The following CAGE1 variants were observed in gnomAD, a reference collection of about 807,000 sequenced individuals.
CAGE1 encodes the protein cancer antigen 1.
A neutral mutation model predicts 94.9 loss-of-function variants in CAGE1; 66 were observed. The ratio of observed to expected loss-of-function variants is 0.70; its 90% CI spans 0.57 to 0.85. The LOEUF is 0.85. Among genes scored for constraint, CAGE1 ranks in the 40% least tolerant of loss-of-function variants. The pLI is 0.00. For missense variants in CAGE1, 865 were observed against 950.4 expected, an observed-to-expected ratio of 0.91 and a Z score of 1.18; for synonymous variants, 319 against 321.0, an observed-to-expected ratio of 0.99 and a Z score of 0.07.
chr6:7,388,029 T>A (rs1474400471), intron 1 of CAGE1, among the ~76,000 whole-genome samples: 2 of 53,542 alleles, frequency 3.7e-5, no homozygotes, highest in African/African-American at 6.2e-5. Flanking sequence ...CAAGACTCCA[T>A]CTCAAAAAAA....
intron 11 of CAGE1, chr6:7,341,198 G>A (rs995175911): frequency 3.4e-5 from 22 of 641,694 alleles, no homozygotes; most frequent in South Asian, 2.2e-4. Context: ...TGGAGCAGTT[G>A]ACACAGCTTG....
Position 7,389,269 on chromosome 6 carries a change from A to G in CAGE1, c.-91T>C. The G allele has an allele frequency of 2.2e-6, 1 of 456,324 alleles. No homozygotes were observed. The highest frequency in any genetic ancestry group is 4.4e-6 in the Non-Finnish European group (1 of 226,968). The allele number at this position is 456,324 out of a possible 1,614,324, so 28.3% of individuals were successfully genotyped here. A position where few individuals can be genotyped will look rare whatever the true frequency, so the allele number is the denominator to read the frequency against. On this transcript the variant is annotated 5_prime_UTR_variant, in exon 1 of 14. Coordinates refer to ENST00000502583, the MANE Select transcript of CAGE1 (RefSeq NM_001170692.2). ...CGAGACACCAAACTTTTTAAGACAC[A>G]AAAGTGTGCTCACTTCCAGGATCCA...
intron 13 of CAGE1, chr6:7,329,287 A>C (rs1758657409): frequency 5.2e-6 from 2 of 382,122 alleles, no homozygotes; most frequent in East Asian, 7.4e-5. Context: ...AAGAAAAAAA[A>C]ATCGCTTGCT....
intron 11 of CAGE1, among the ~76,000 whole-genome samples, chr6:7,351,457 C>A (rs1279130960): frequency 6.6e-6 from 1 of 150,942 alleles, no homozygotes; most frequent in African/African-American, 2.4e-5. Flanking sequence ...ATGAAGCCAG[C>A]ATCACCCTAA....
At position 7,355,040 on chromosome 6, in the gene CAGE1, C is replaced by T. The variant is rs1338270469; in HGVS notation, c.2369+1G>A. ...ATTAAGGATTCGTTTTTTCAACTTA[C>T]TGTGCAATCTGGGAGTGGGATATTG... is the stretch of plus-strand genomic sequence containing the variant. On this transcript the variant is annotated splice_donor_variant, in intron 11 of 13. Coordinates refer to ENST00000502583, the MANE Select transcript of CAGE1 (RefSeq NM_001170692.2). LOFTEE classifies it high-confidence loss of function. 6.3e-7 allele frequency: 1 copy of T among 1,598,388 alleles called. No homozygotes were observed. Among genetic ancestry groups the T allele is most frequent in the Non-Finnish European group, 8.6e-7 (1 of 1,169,066 alleles).
At chr6:7,338,490 G>A (rs759742132) in intron 11 of CAGE1, among the ~76,000 whole-genome samples, 9 of 152,050 alleles carry the variant, frequency 5.9e-5, no homozygotes, top group Non-Finnish European at 8.8e-5. Context: ...TCTGTCTATC[G>A]AAATTATCAT....
chr6:7,345,217 A>T (rs533633785), intron 11 of CAGE1, among the ~76,000 whole-genome samples: 1 of 150,410 alleles, frequency 6.6e-6, no homozygotes, highest in Non-Finnish European at 1.5e-5. Context: ...TGAAGTTAGT[A>T]TAAGCTACCA....
intron 11 of CAGE1, among the ~76,000 whole-genome samples, chr6:7,335,717 G>A (rs1758931313): frequency 1.3e-5 from 2 of 152,192 alleles, no homozygotes; most frequent in African/African-American, 2.4e-5. Context: ...TAGGACTGCA[G>A]GTGCATGCCA....
At chr6:7,382,407 T>C (rs1417139088) in intron 3 of CAGE1, among the ~76,000 whole-genome samples, 1 of 151,804 alleles carries the variant, frequency 6.6e-6, no homozygotes, top group Non-Finnish European at 1.5e-5. Flanking sequence ...ATTCAAGTGA[T>C]TCTCCTGCGT....
At chr6:7,383,747 G>A (rs1169502197) in intron 3 of CAGE1, among the ~76,000 whole-genome samples, 1 of 152,056 alleles carries the variant, frequency 6.6e-6, no homozygotes. Context: ...ATAGACTTCA[G>A]GAAAACTGAC....
Position 7,339,357 on chromosome 6 carries a change from G to A in CAGE1, c.2370-5267C>T, listed in dbSNP as rs1759083368. The A allele has an allele frequency of 3.1e-6, 5 of 1,608,960 alleles. No individual in the cohort carries two copies. The highest frequency in any genetic ancestry group is 1.3e-5 in the African/African-American group (1 of 74,936). On this transcript the variant is annotated intron_variant, in intron 11 of 13. Coordinates refer to ENST00000502583, the MANE Select transcript of CAGE1 (RefSeq NM_001170692.2). This position sits in a 1 kb window ranked among gnomAD's most constrained non-coding sequence, Gnocchi z 4.7. The stretch of plus-strand genomic sequence containing the variant: ...AGAGCCAAACCTCTTCTGAACTACA[G>A]CAGTCAGTTCCCGAATCCGCCGGCC...
intron 13 of CAGE1, among the ~76,000 whole-genome samples, chr6:7,328,873 A>AGTGTGTGTGTGT (rs545926619): frequency 1.9e-5 from 2 of 105,382 alleles, no homozygotes; most frequent in Non-Finnish European, 3.6e-5. Context: ...GTATCTTATA[A>AGTGTGTGTGTGT]GTGTGTGTGT....
intron 12 of CAGE1, among the ~76,000 whole-genome samples, chr6:7,333,473 C>T (rs1440242160): frequency 6.6e-6 from 1 of 151,948 alleles, no homozygotes; most frequent in Admixed American, 6.6e-5. Flanking sequence ...TCCATGAAAG[C>T]AGGGAATCTG....
intron 2 of CAGE1, 46 bp from the exon 3 acceptor site, chr6:7,385,918 G>T: frequency 9.8e-7 from 1 of 1,018,892 alleles, no homozygotes; most frequent in Non-Finnish European, 1.4e-6. Flanking sequence ...AACATCACAA[G>T]CTTCTTCTAA....
chr6:7,340,930 G>A (rs1337695088), intron 11 of CAGE1: 12 of 416,424 alleles, frequency 2.9e-5, no homozygotes, highest in South Asian at 1.9e-4. Flanking sequence ...AGGTGGAACC[G>A]GCCTGGCTCC....
rs1315616420 is a variant in CAGE1 at position 7,389,493 on chromosome 6, C to T, written c.-315G>A. On this transcript the variant is annotated 5_prime_UTR_variant, in exon 1 of 14. Transcript: ENST00000502583. ...CAGAGACAGGTGCAGCCCGCGAGGC[C>T]CGAGCGACCCTACTGTGGGTGCGGT... 1 of 372,564 alleles carries T rather than the reference C, an allele frequency of 2.7e-6. No individual in the cohort carries two copies. Among genetic ancestry groups the T allele is most frequent in the Non-Finnish European group, 5.3e-6 (1 of 188,052 alleles). 23.1% of individuals were successfully genotyped at this position (372,564 alleles called of 1,614,324 possible).
chr6:7,373,258 A>G lies in CAGE1; in HGVS notation c.1561T>C (p.Phe521Leu). ...KLLTQVRNLQ[F>L]MSENERTKNI... is the part of the protein sequence containing the mutation. ...TTCGTTCTTTCATTTTCAGACATAAATTGCAAATTTCTAACTTGAGTGAGC... is the reference window on the plus strand; with the variant it reads ...TTCGTTCTTTCATTTTCAGACATAAGTTGCAAATTTCTAACTTGAGTGAGC... Residue 521 changes from phenylalanine to leucine, a missense_variant, in exon 5 of 14, where the codon TTT becomes CTT. Phe to Leu is a conservative substitution (Grantham distance 22). Coordinates refer to ENST00000502583, the MANE Select transcript of CAGE1 (RefSeq NM_001170692.2). 1 of 1,603,832 alleles carries G rather than the reference A, an allele frequency of 6.2e-7. No individual in the cohort carries two copies. Among genetic ancestry groups the G allele is most frequent in the Non-Finnish European group, 8.5e-7 (1 of 1,174,242 alleles).
At chr6:7,374,467 A>G (rs537553620) in intron 4 of CAGE1, among the ~76,000 whole-genome samples, 3 of 152,248 alleles carry the variant, frequency 2.0e-5, no homozygotes, top group African/African-American at 7.2e-5. Flanking sequence ...AACACATATA[A>G]GATGCTTTGA....
intron 11 of CAGE1, among the ~76,000 whole-genome samples, chr6:7,336,474 A>T (rs754992800): frequency 5.9e-5 from 9 of 151,930 alleles, no homozygotes; most frequent in Non-Finnish European, 1.2e-4. Context: ...GAGTATAATG[A>T]GTGCTTTGAT....
Sources: gnomAD v4.1 joint callset for allele counts (sites outside exome capture counted in the v4.1 genomes callset) on GRCh38, gnomAD v4.1.1 for gene constraint, Gnocchi (gnomAD v3.1) non-coding constraint, MANE v1.5 for transcripts, NCBI Gene and HGNC (gene_info 2026-07-23, HGNC 2026-07-21) for gene names.